KIF20B: variants seen among roughly 807,000 people sequenced by gnomAD.
KIF20B encodes the protein kinesin-like protein KIF20B.
A neutral mutation model predicts 232.5 loss-of-function variants in KIF20B; 188 were observed. The observed-to-expected ratio is 0.81, with a 90% confidence interval of 0.72 to 0.91. KIF20B has a LOEUF of 0.91. KIF20B is among the 40% of genes least tolerant of loss of function. The pLI, the probability that KIF20B is intolerant of heterozygous loss-of-function variation, is 0.00. For synonymous variants in KIF20B, 712 were observed against 683.0 expected, an observed-to-expected ratio of 1.04 and a Z score of -0.66; for missense variants, 2,154 against 2,055.9, an observed-to-expected ratio of 1.05 and a Z score of -0.92.
At chr10:89,765,285 A>G (rs577743119) in intron 29 of KIF20B, among the ~76,000 whole-genome samples, 56 of 152,284 alleles carry the variant, frequency 3.7e-4, no homozygotes, top group African/African-American at 1.2e-3. Context: ...CCCATTCGCA[A>G]TTGCTTCAAA....
At position 89,738,332 on chromosome 10, in the gene KIF20B, A is replaced by G. The variant is rs1264594745; in HGVS notation, c.3491A>G (p.Lys1164Arg). 8 of 1,611,284 alleles carry G rather than the reference A, an allele frequency of 5.0e-6. No homozygotes were observed. The highest frequency in any genetic ancestry group is 6.8e-6 in the Non-Finnish European group (8 of 1,179,142). Residue 1164 changes from lysine (K) to arginine (R), a missense_variant, in exon 20 of 33, where the codon AAG becomes AGG. By Grantham distance (26) the Lys-to-Arg change is conservative (BLOSUM62 2). Coordinates refer to ENST00000371728, the MANE Select transcript of KIF20B (RefSeq NM_001284259.2). ...QGVTCYKAKI[K>R]ELETILETQK... ...GTTACTTGCTATAAGGCAAAAATAA[A>G]GGAACTTGAAACAATTTTAGAGACT...
chr10:89,760,371 A>C (rs1037851067), intron 27 of KIF20B, among the ~76,000 whole-genome samples, 155 bp from the exon 28 acceptor site: 2 of 152,164 alleles, frequency 1.3e-5, no homozygotes, highest in African/African-American at 4.8e-5. Context: ...TGAAAGAGAA[A>C]TAGGAGGGCT....
chr10:89,719,940 G>T (rs574196106), intron 13 of KIF20B, among the ~76,000 whole-genome samples: 11 of 151,998 alleles, frequency 7.2e-5, no homozygotes, highest in African/African-American at 2.7e-4. Context: ...ACATCTTTTG[G>T]TCTGTACAAT....
chr10:89,739,755 C>T (rs188082325), intron 21 of KIF20B, among the ~76,000 whole-genome samples: 271 of 151,570 alleles, frequency 1.8e-3, no homozygotes, highest in Non-Finnish European at 3.4e-3. Context: ...CTGTTTCTAC[C>T]ACTATAAAAG....
intron 5 of KIF20B, among the ~76,000 whole-genome samples, chr10:89,710,499 G>A (rs967668955): frequency 6.6e-6 from 1 of 152,108 alleles, no homozygotes; most frequent in Non-Finnish European, 1.5e-5. Context: ...AAAGTGCTTG[G>A]ATTACAGGCA....
At chr10:89,746,749 G>A (rs1198461394) in intron 23 of KIF20B, among the ~76,000 whole-genome samples, 1 of 152,296 alleles carries the variant, frequency 6.6e-6, no homozygotes, top group African/African-American at 2.4e-5. Flanking sequence ...ATCACTTCCA[G>A]TACTAAAATT....
chr10:89,774,002 A>T lies in KIF20B; in HGVS notation c.5417A>T (p.Asp1806Val). 6.3e-7 allele frequency: 1 copy of T among 1,589,160 alleles called. No individual in the cohort carries two copies. Among genetic ancestry groups the T allele is most frequent in the Non-Finnish European group, 8.6e-7 (1 of 1,166,164 alleles). Residue 1806 changes from aspartate (D) to valine (V), a missense_variant, in exon 33 of 33, where the codon GAT becomes GTT. Asp to Val is a radical substitution (Grantham distance 152). Coordinates refer to ENST00000371728, the MANE Select transcript of KIF20B (RefSeq NM_001284259.2). ...ILMDQKMKESDHQIIKRRLRT... is the reference protein window; with the variant it reads ...ILMDQKMKESVHQIIKRRLRT... ...ATGGACCAGAAAATGAAGGAGAGTG[A>T]TCACCAGATTATCAAACGACGACTT...
intron 18 of KIF20B, among the ~76,000 whole-genome samples, chr10:89,732,103 TCC>T (rs1244759933): frequency 1.3e-5 from 2 of 150,726 alleles, no homozygotes; most frequent in Non-Finnish European, 2.9e-5. Flanking sequence ...TTTTGGAAGT[TCC>T]CCCCCTCTCT....
At chr10:89,745,872 A>G in intron 22 of KIF20B, 27 bp from the exon 23 acceptor site, 1 of 1,466,492 alleles carries the variant, frequency 6.8e-7, no homozygotes, top group South Asian at 1.1e-5. Context: ...TTAATTTGCA[A>G]TTAATTTATA....
At chr10:89,709,112 C>G in intron 2 of KIF20B, 55 bp from the exon 3 acceptor site, 1 of 1,251,536 alleles carries the variant, frequency 8.0e-7, no homozygotes, top group Non-Finnish European at 1.2e-6. Flanking sequence ...GAAAAATGGT[C>G]TCTGAAAAGC....
At chr10:89,766,900 C>CTAGT (rs1170262599) in intron 29 of KIF20B, among the ~76,000 whole-genome samples, 1 of 151,594 alleles carries the variant, frequency 6.6e-6, no homozygotes, top group Non-Finnish European at 1.5e-5. Flanking sequence ...GTTTCATCAT[C>CTAGT]TAGTTGGCTT....
chr10:89,747,532 T>A (rs1355242597), intron 23 of KIF20B, among the ~76,000 whole-genome samples: 3 of 150,686 alleles, frequency 2.0e-5, no homozygotes, highest in African/African-American at 7.3e-5. Flanking sequence ...GTGGCACATA[T>A]ACACCATGGA....
chr10:89,762,047 C>G (rs1322455246), intron 28 of KIF20B, among the ~76,000 whole-genome samples: 1 of 152,120 alleles, frequency 6.6e-6, no homozygotes, highest in African/African-American at 2.4e-5. Context: ...TGGTCTCTCC[C>G]TGTGGATTGG....
Position 89,768,770 on chromosome 10 carries a change from T to C in KIF20B, c.5124T>C (p.Tyr1708=). The C allele has an allele frequency of 1.9e-6, 3 of 1,598,036 alleles. No homozygotes were observed. Among genetic ancestry groups the C allele is most frequent in the Non-Finnish European group, 2.6e-6 (3 of 1,175,326 alleles). Residue 1708 remains tyrosine, a synonymous_variant, in exon 31 of 33, where the codon TAT becomes TAC. Coordinates refer to ENST00000371728, the MANE Select transcript of KIF20B (RefSeq NM_001284259.2). The part of the protein sequence containing the change: ...VAIRPSSKKT[Y]SLRSQASIIG... ...TACGTCCATCATCTAAGAAAACATA[T>C]TCTTTACGGAGTCAGGCATCCATAA...
In KIF20B at chr10:89,760,590, C is replaced by G; in HGVS notation, c.4745C>G (p.Thr1582Ser). 6.2e-7 allele frequency: 1 copy of G among 1,612,884 alleles called. No individual in the cohort carries two copies. Among genetic ancestry groups the G allele is most frequent in the Non-Finnish European group, 8.5e-7 (1 of 1,179,104 alleles). Residue 1582 changes from threonine to serine, a missense_variant, in exon 28 of 33, where the codon ACT becomes AGT. Physicochemically the swap from Thr to Ser is moderately conservative, Grantham distance 58 (BLOSUM62 1). Transcript: ENST00000371728. ...ISSADPDKLQ[T>S]EPLSTSFEIS... The stretch of plus-strand genomic sequence containing the variant: ...TCAGCAGATCCTGACAAACTTCAAA[C>G]TGAACCTCTATCGACAAGTTTTGAA...
intron 14 of KIF20B, 44 bp from the exon 15 acceptor site, chr10:89,724,976 A>C: frequency 6.4e-7 from 1 of 1,572,014 alleles, no homozygotes; most frequent in Non-Finnish European, 8.7e-7. Context: ...AACACAAAGT[A>C]GTTCGTTTTC....
Position 89,726,482 on chromosome 10 carries a change from T to C in KIF20B, c.2191T>C (p.Leu731=). 1 of 1,604,794 alleles carries C rather than the reference T, an allele frequency of 6.2e-7. No individual in the cohort carries two copies. Among genetic ancestry groups the C allele is most frequent in the South Asian group, 1.1e-5 (1 of 89,166 alleles). Residue 731 remains leucine (L), a synonymous_variant, in exon 16 of 33, where the codon TTA becomes CTA. Transcript: ENST00000371728. ...KAELAKTKGE[L]IKTKEELKKR... is the part of the protein sequence containing the mutation. ...TGAATTAGCTAAAACCAAAGGAGAA[T>C]TAATCAAAACCAAAGAAGAGTTAAA...
intron 29 of KIF20B, among the ~76,000 whole-genome samples, chr10:89,763,303 G>A (rs1342796185): frequency 1.3e-5 from 2 of 152,150 alleles, no homozygotes; most frequent in East Asian, 3.9e-4. Flanking sequence ...TATTACTGTG[G>A]TTTAATGGTC....
chr10:89,753,988 A>G (rs1842073259), intron 25 of KIF20B, among the ~76,000 whole-genome samples: 1 of 151,946 alleles, frequency 6.6e-6, no homozygotes, highest in South Asian at 2.1e-4. Flanking sequence ...TATATATATT[A>G]TTAAATGCCT....
Sources: allele counts gnomAD v4.1 joint callset (sites outside exome capture counted in the v4.1 genomes callset), GRCh38; gene constraint gnomAD v4.1.1; transcripts MANE v1.5; gene names NCBI Gene and HGNC (gene_info 2026-07-23, HGNC 2026-07-21).